The following TNFAIP8L3 variants were observed in gnomAD, a reference collection of about 807,000 sequenced individuals.
The protein encoded by TNFAIP8L3 is tumor necrosis factor alpha-induced protein 8-like protein 3.
A neutral mutation model predicts 11.8 loss-of-function variants in TNFAIP8L3; 7 were observed. The ratio of observed to expected loss-of-function variants is 0.59; its 90% CI spans 0.34 to 1.11. TNFAIP8L3 has a LOEUF of 1.11. TNFAIP8L3 is among the 50% of genes most tolerant of loss of function. The pLI is 0.03. For synonymous variants in TNFAIP8L3, 98 were observed against 103.8 expected, an observed-to-expected ratio of 0.94 and a Z score of 0.34; for missense variants, 219 against 258.6, an observed-to-expected ratio of 0.85 and a Z score of 1.05.
At chr15:51,086,280 G>A (rs2065426916) in intron 1 of TNFAIP8L3, among the ~76,000 whole-genome samples, 1 of 152,210 alleles carries the variant, frequency 6.6e-6, no homozygotes. Context: ...TCCTTCTAGG[G>A]CCTTCTGCCT....
intron 1 of TNFAIP8L3, among the ~76,000 whole-genome samples, chr15:51,086,162 A>T (rs901116773): frequency 1.8e-4 from 28 of 152,186 alleles, no homozygotes; most frequent in African/African-American, 6.8e-4. Context: ...CACACTTTGA[A>T]AAAGGGTGTA....
At chr15:51,068,670 T>G (rs373736365) in intron 1 of TNFAIP8L3, among the ~76,000 whole-genome samples, 48,467 of 141,344 alleles carry the variant, frequency 0.34, 7,779 homozygotes, top group Middle Eastern at 0.4. Context: ...GTTTTTTTTT[T>G]TTTTTTTTTT....
At chr15:51,091,064 G>C (rs1355062571) in intron 1 of TNFAIP8L3, among the ~76,000 whole-genome samples, 1 of 152,182 alleles carries the variant, frequency 6.6e-6, no homozygotes, top group Non-Finnish European at 1.5e-5. Flanking sequence ...AGAGTGCCAA[G>C]TTGGGTCTCT....
intron 1 of TNFAIP8L3, among the ~76,000 whole-genome samples, chr15:51,063,422 G>T (rs954884667): frequency 6.6e-6 from 1 of 152,154 alleles, no homozygotes; most frequent in Non-Finnish European, 1.5e-5. Context: ...AACTACTAGC[G>T]ATGTATATTT....
intron 1 of TNFAIP8L3, among the ~76,000 whole-genome samples, chr15:51,076,215 A>G (rs889922962): frequency 2.0e-5 from 3 of 152,222 alleles, no homozygotes; most frequent in African/African-American, 7.2e-5. Flanking sequence ...GTCATGGTCA[A>G]TATCTGGCCT....
chr15:51,059,673 T>G (rs112565784), intron 1 of TNFAIP8L3, among the ~76,000 whole-genome samples: 1 of 152,218 alleles, frequency 6.6e-6, no homozygotes, highest in African/African-American at 2.4e-5. Context: ...ACAAGAGAAA[T>G]GCAGAAGAAT....
chr15:51,091,676 GCACACACA>G (rs3077947), intron 1 of TNFAIP8L3, among the ~76,000 whole-genome samples: 25,157 of 143,960 alleles, frequency 0.17, 2,441 homozygotes, highest in East Asian at 0.38. Context: ...ACCTCCTCAA[GCACACACA>G]CACACACACA....
At position 51,057,950 on chromosome 15, in the gene TNFAIP8L3, T is replaced by A. The variant is rs921830933; in HGVS notation, c.546A>T (p.Gly182=). The change falls in exon 2 of 2, where the codon GGA becomes GGT. Residue 182 remains glycine, a synonymous_variant. Coordinates refer to ENST00000637513, the MANE Select transcript of TNFAIP8L3 (RefSeq NM_001311175.2). ...TCCTCTTGAGGTTGGGCCTACAGTC[T>A]CCATCCAGACTATAGAGGGTGGAGA... ...EFLSTLYSLD[G]DCRPNLKRIC... The A allele has an allele frequency of 8.1e-6, 13 of 1,612,982 alleles. No individual in the cohort carries two copies. Among genetic ancestry groups the A allele is most frequent in the Non-Finnish European group, 1.0e-5 (12 of 1,179,734 alleles).
chr15:51,099,303 G>T (rs2065534120), upstream of TNFAIP8L3, among the ~76,000 whole-genome samples: 1 of 152,092 alleles, frequency 6.6e-6, no homozygotes, highest in African/African-American at 2.4e-5. Flanking sequence ...GGGTGGATGA[G>T]GCTGGCAACT....
intron 1 of TNFAIP8L3, among the ~76,000 whole-genome samples, chr15:51,077,556 C>A (rs985342695): frequency 9.2e-5 from 14 of 152,142 alleles, no homozygotes; most frequent in African/African-American, 3.1e-4. Context: ...CTGGCAGTTC[C>A]GAGAGGGGAG....
chr15:51,080,284 T>C (rs1391371789), intron 1 of TNFAIP8L3, among the ~76,000 whole-genome samples: 1 of 152,256 alleles, frequency 6.6e-6, no homozygotes, highest in African/African-American at 2.4e-5. Context: ...TCCCAGGAGT[T>C]AAACACTATT....
intron 1 of TNFAIP8L3, among the ~76,000 whole-genome samples, chr15:51,082,041 T>G (rs939329059): frequency 3.3e-5 from 5 of 149,580 alleles, no homozygotes; most frequent in African/African-American, 1.3e-4. Context: ...TAAGAAAGAG[T>G]GAATTTTTTT....
intron 1 of TNFAIP8L3, among the ~76,000 whole-genome samples, chr15:51,086,416 C>T (rs905926361): frequency 6.6e-6 from 1 of 152,220 alleles, no homozygotes; most frequent in African/African-American, 2.4e-5. Context: ...GGAATGTCTG[C>T]AGCTTAAAGC....
At chr15:51,089,891 C>T (rs1222363404) in intron 1 of TNFAIP8L3, among the ~76,000 whole-genome samples, 1 of 152,198 alleles carries the variant, frequency 6.6e-6, no homozygotes, top group East Asian at 1.9e-4. Flanking sequence ...TGACTAATAA[C>T]CAAATGGCAC....
chr15:51,102,535 T>C (rs1403606998), intron 1 of TNFAIP8L3, among the ~76,000 whole-genome samples: 1 of 152,098 alleles, frequency 6.6e-6, no homozygotes. Flanking sequence ...TATGTAAGTC[T>C]CTGATTTCAT....
chr15:51,104,976 T>C, intron 1 of TNFAIP8L3: 6 of 1,613,946 alleles, frequency 3.7e-6, no homozygotes, highest in African/African-American at 1.3e-5. Context: ...TATACTTCCT[T>C]CTCTGCCAGT....
At chr15:51,083,605 G>T (rs1335880943) in intron 1 of TNFAIP8L3, among the ~76,000 whole-genome samples, 2 of 152,210 alleles carry the variant, frequency 1.3e-5, no homozygotes, top group Non-Finnish European at 1.5e-5. Flanking sequence ...TCACCCACGG[G>T]TGCGTTTAGA....
At chr15:51,091,659 TA>T (rs2065470333) in intron 1 of TNFAIP8L3, among the ~76,000 whole-genome samples, 1 of 114,350 alleles carries the variant, frequency 8.7e-6, no homozygotes, top group African/African-American at 3.1e-5. Context: ...AGAGGTAAAC[TA>T]AAAAGACCTC....
chr15:51,100,774 C>A (rs4774581), intron 1 of TNFAIP8L3, among the ~76,000 whole-genome samples: 124,086 of 150,930 alleles, frequency 0.82, 51,280 homozygotes, highest in East Asian at 0.98. Context: ...GGAAAAAAAA[C>A]AAACAAACAA....
Sources: gnomAD v4.1 joint callset for allele counts (sites outside exome capture counted in the v4.1 genomes callset) on GRCh38, gnomAD v4.1.1 for gene constraint, MANE v1.5 for transcripts, NCBI Gene and HGNC (gene_info 2026-07-23, HGNC 2026-07-21) for gene names.